BACH1: variants seen among roughly 807,000 people sequenced by gnomAD.
BACH1 encodes the protein transcription regulator protein BACH1.
In BACH1, 35 loss-of-function variants were observed where a neutral mutation model predicts 52.9. The ratio of observed to expected loss-of-function variants is 0.66; its 90% CI spans 0.51 to 0.88. BACH1 has a LOEUF of 0.88. BACH1 is among the 40% of genes least tolerant of loss of function. BACH1 has a pLI of 0.00. For missense variants in BACH1, 808 were observed against 872.6 expected (o/e 0.93, Z 0.93); for synonymous variants, 321 against 319.6 (o/e 1.00, Z -0.05).
chr21:29,340,707 T>G (rs149456119), intron 4 of BACH1, among the ~76,000 whole-genome samples: 33 of 152,324 alleles, frequency 2.2e-4, no homozygotes, highest in Non-Finnish European at 3.2e-4. Context: ...AGATTCTTTC[T>G]CACTTTCTTC....
chr21:29,358,024 ACTT>A (rs1360572010), intron 2 of BACH1, among the ~76,000 whole-genome samples: 5 of 151,748 alleles, frequency 3.3e-5, no homozygotes, highest in Non-Finnish European at 2.9e-5. Context: ...TCCACCCCTC[ACTT>A]CTTCTGCCCT....
At chr21:29,319,865 T>C (rs887650208) in intron 1 of BACH1, among the ~76,000 whole-genome samples, 5 of 151,918 alleles carry the variant, frequency 3.3e-5, no homozygotes, top group African/African-American at 9.7e-5. Context: ...ACAAAAGATA[T>C]ATAACTTCTT....
At chr21:29,340,812 A>C (rs998991145) in intron 4 of BACH1, among the ~76,000 whole-genome samples, 1 of 152,200 alleles carries the variant, frequency 6.6e-6, no homozygotes, top group Non-Finnish European at 1.5e-5. Context: ...TACTGTGAAC[A>C]AGCAGTAGGT....
chr21:29,357,949 G>A (rs568003544), intron 2 of BACH1, among the ~76,000 whole-genome samples: 24 of 152,284 alleles, frequency 1.6e-4, no homozygotes, highest in Non-Finnish European at 2.2e-4. Flanking sequence ...TGGAGTCAGC[G>A]TGATCCGCTT....
chr21:29,341,341 TG>T (rs1211884502), intron 4 of BACH1, among the ~76,000 whole-genome samples: 1 of 152,150 alleles, frequency 6.6e-6, no homozygotes, highest in African/African-American at 2.4e-5. Context: ...AACACTGACT[TG>T]TTGAGAGTTG....
At chr21:29,322,111 T>A (rs1205613355) in intron 2 of BACH1, among the ~76,000 whole-genome samples, 1 of 152,162 alleles carries the variant, frequency 6.6e-6, no homozygotes, top group African/African-American at 2.4e-5. Context: ...TTATTCACTA[T>A]CACCAGAATA....
At chr21:29,340,990 A>C (rs1025362469) in intron 4 of BACH1, among the ~76,000 whole-genome samples, 1 of 151,844 alleles carries the variant, frequency 6.6e-6, no homozygotes, top group Admixed American at 6.6e-5. Context: ...AAAAAAAAGA[A>C]CTTGTATATA....
Position 29,322,617 on chromosome 21 carries a change from A to T in BACH1, c.234+1103A>T, listed in dbSNP as rs141413302. Among the ~76,000 whole-genome samples, 859 of 152,350 alleles carry T rather than the reference A, an allele frequency of 5.6e-3. 5 individuals are homozygous for T. The highest frequency in any genetic ancestry group is 6.7e-3 in the Non-Finnish European group (457 of 68,030). On this transcript the variant is annotated intron_variant, in intron 2 of 4. Coordinates refer to ENST00000286800, the MANE Select transcript of BACH1 (RefSeq NM_001186.4). Reference sequence around the variant, plus strand: ...GACACAAATAGAAGTTAGGAGGAATATGGAGAAAGAATGTAGAAATCATTT... The same window carrying T: ...GACACAAATAGAAGTTAGGAGGAATTTGGAGAAAGAATGTAGAAATCATTT...
chr21:29,313,096 G>A (rs2088745237), intron 1 of BACH1, among the ~76,000 whole-genome samples: 1 of 152,170 alleles, frequency 6.6e-6, no homozygotes, highest in Non-Finnish European at 1.5e-5. Context: ...AGAATGTAGA[G>A]CACGGCTGTC....
At chr21:29,310,836 G>A (rs1023257589) in intron 1 of BACH1, among the ~76,000 whole-genome samples, 6 of 152,240 alleles carry the variant, frequency 3.9e-5, no homozygotes, top group African/African-American at 1.4e-4. Context: ...GGCCTCAAAT[G>A]AAATTGGGAA....
chr21:29,343,046 A>C lies in BACH1; in HGVS notation c.*213A>C. 2.1e-6 allele frequency: 1 copy of C among 465,400 alleles called. No individual in the cohort carries two copies. Among genetic ancestry groups the C allele is most frequent in the South Asian group, 4.0e-5 (1 of 24,788 alleles). The allele number at this position is 465,400 out of a possible 1,614,324, so 28.8% of individuals were successfully genotyped here. On this transcript the variant is annotated 3_prime_UTR_variant, in exon 5 of 5. Transcript: ENST00000286800. The stretch of plus-strand genomic sequence containing the variant: ...TGCCTCCTGGATATCAGAAAAATCC[A>C]TGTGAAAATGTAGTAAACCTTTAAA...
In BACH1 at chr21:29,353,885, T is replaced by C. The variant is rs368600786; in HGVS notation, c.472+24192T>C. 6.4e-4 allele frequency among the ~76,000 whole-genome samples: 98 copies of C among 152,308 alleles called. 1 individual carries two copies. Among genetic ancestry groups the C allele is most frequent in the African/African-American group, 2.2e-3 (92 of 41,552 alleles). On this transcript the variant is annotated intron_variant, in intron 2 of 4. Coordinates refer to the BACH1 transcript ENST00000422809. The stretch of plus-strand genomic sequence containing the variant: ...TTGGCACTGGTGGGGGTAAAAGTTA[T>C]AGGACTTCAGCCACCAGATGTGGAA...
chr21:29,338,877 G>A (rs934278764), intron 4 of BACH1, among the ~76,000 whole-genome samples: 2 of 151,122 alleles, frequency 1.3e-5, no homozygotes, highest in East Asian at 1.9e-4. Flanking sequence ...AACATTTTAT[G>A]TCTACTCTTA....
chr21:29,306,169 AGTGTGTGTGTGTGTGT>A (rs61571512), intron 1 of BACH1, among the ~76,000 whole-genome samples: 334 of 141,286 alleles, frequency 2.4e-3, no homozygotes, highest in African/African-American at 4.7e-3. Context: ...GGTCAGGAAG[AGTGTGTGTGTGTGTGT>A]GTGTGTGTGT....
intron 2 of BACH1, chr21:29,352,645 C>T (rs891816966): frequency 6.6e-6 from 1 of 152,052 alleles, no homozygotes; most frequent in African/African-American, 2.4e-5. Context: ...CTCAGCTTCC[C>T]AAGTAACTGG....
At chr21:29,339,629 GTT>G (rs34979217) in intron 4 of BACH1, among the ~76,000 whole-genome samples, 153 of 98,506 alleles carry the variant, frequency 1.6e-3, no homozygotes, top group Middle Eastern at 0.012. Context: ...AGATGCAAAG[GTT>G]TTTTTTTTTT....
At position 29,308,518 on chromosome 21, in the gene BACH1, C is replaced by G. The variant is rs552831001; in HGVS notation, c.-61+9565C>G. On this transcript the variant is annotated intron_variant, in intron 1 of 4. Coordinates refer to ENST00000286800, the MANE Select transcript of BACH1 (RefSeq NM_001186.4). ...AAGCACCTCCCTCCACCCTCACCCC[C>G]CTTTTTGACTCAAATTTTATTGTGA... Among the ~76,000 whole-genome samples the G allele has an allele frequency of 5.3e-5, 8 of 152,214 alleles. No individual in the cohort carries two copies. In the South Asian group the frequency reaches 8.3e-4, roughly 16 times the overall value.
intron 1 of BACH1, chr21:29,299,675 TC>T (rs2088581542): frequency 6.6e-6 from 1 of 152,214 alleles, no homozygotes; most frequent in Non-Finnish European, 1.5e-5. Context: ...GCTTTCTCAT[TC>T]TTACACGGCA....
chr21:29,357,342 A>T (rs192423714), intron 2 of BACH1, among the ~76,000 whole-genome samples: 15 of 152,284 alleles, frequency 9.9e-5, no homozygotes, highest in African/African-American at 3.4e-4. Context: ...GACTTCTAAG[A>T]GATCATGTCA....
Sources: gnomAD v4.1 joint callset for allele counts (sites outside exome capture counted in the v4.1 genomes callset) on GRCh38, gnomAD v4.1.1 for gene constraint, MANE v1.5 for transcripts, NCBI Gene and HGNC (gene_info 2026-07-23, HGNC 2026-07-21) for gene names.